Variants in OSBP observed in about 807,000 individuals in gnomAD.
OSBP encodes the protein oxysterol binding protein.
In OSBP, 32 loss-of-function variants were observed where a neutral mutation model predicts 96.6. That is an observed-to-expected ratio of 0.33 (90% CI 0.25 to 0.45). The LOEUF (loss-of-function observed/expected upper bound fraction) is 0.45, where lower values mean the gene tolerates loss of function less well. Ranked by LOEUF, OSBP falls within the 20% of genes least tolerant of loss-of-function variation. The pLI is 1.00. For missense variants in OSBP, 653 were observed against 1,029.7 expected (o/e 0.63, Z 5.01); for synonymous variants, 369 against 389.6 (o/e 0.95, Z 0.62).
At chr11:59,577,829 G>A (rs546289206) in intron 12 of OSBP, among the ~76,000 whole-genome samples, 18 of 152,290 alleles carry the variant, frequency 1.2e-4, no homozygotes, top group Admixed American at 9.8e-4. Context: ...ACAGGTGGTA[G>A]GCACCTTCCT....
At position 59,578,131 on chromosome 11, in the gene OSBP, A is replaced by G; in HGVS notation, c.2060+18T>C. The G allele has an allele frequency of 1.2e-6, 2 of 1,612,936 alleles. No individual in the cohort carries two copies. The highest frequency in any genetic ancestry group is 1.7e-6 in the Non-Finnish European group (2 of 1,178,952). On this transcript the variant is annotated intron_variant, in intron 12 of 13. Coordinates refer to ENST00000263847, the MANE Select transcript of OSBP (RefSeq NM_002556.3). ...AAGGTCAAAGTGGTATCTGGGCAGC[A>G]TGCATGCTGATACTCACGGTAAAGG...
At position 59,615,723 on chromosome 11, in the gene OSBP, C is replaced by T. The variant is rs751380880; in HGVS notation, c.-59G>A. 2,652 of 1,249,180 alleles carry T rather than the reference C, an allele frequency of 2.1e-3. 6 individuals carry two copies. Among genetic ancestry groups the T allele is most frequent in the Admixed American group, 2.4e-3 (56 of 23,432 alleles). 77.4% of individuals were successfully genotyped at this position (1,249,180 alleles called of 1,614,324 possible). A position where few individuals can be genotyped will look rare whatever the true frequency, so the allele number is the denominator to read the frequency against. ...CCGCCTACGAGAGCCGCCGTCGCCGCCCGGAGCGCCCCACACGGCTACCGC... is the reference window on the plus strand; with the variant it reads ...CCGCCTACGAGAGCCGCCGTCGCCGTCCGGAGCGCCCCACACGGCTACCGC... On this transcript the variant is annotated 5_prime_UTR_variant, in exon 1 of 14. Coordinates refer to ENST00000263847, the MANE Select transcript of OSBP (RefSeq NM_002556.3).
chr11:59,585,632 C>G (rs796933175), intron 9 of OSBP, among the ~76,000 whole-genome samples: 32 of 152,074 alleles, frequency 2.1e-4, no homozygotes, highest in Non-Finnish European at 3.5e-4. Flanking sequence ...AAGTGAGGAG[C>G]CCCTCTGCCA....
intron 3 of OSBP, among the ~76,000 whole-genome samples, chr11:59,606,508 A>G (rs920372029): frequency 6.6e-6 from 1 of 152,064 alleles, no homozygotes; most frequent in African/African-American, 2.4e-5. Flanking sequence ...CAAAGACAGA[A>G]ACAATAAACA....
Position 59,615,494 on chromosome 11 carries a change from G to T in OSBP, c.171C>A (p.Gly57=), listed in dbSNP as rs1860914342. 10 of 1,211,564 alleles carry T rather than the reference G, an allele frequency of 8.3e-6. No homozygotes were observed. Among genetic ancestry groups the T allele is most frequent in the Non-Finnish European group, 1.0e-5 (10 of 975,920 alleles). 75.1% of individuals were successfully genotyped at this position (1,211,564 alleles called of 1,614,324 possible). The change falls in exon 1 of 14, where the codon GGC becomes GGA. Residue 57 remains glycine, a synonymous_variant. Coordinates refer to ENST00000263847, the MANE Select transcript of OSBP (RefSeq NM_002556.3). ...SGTVVAAAAG[G]PGPGAGGVAA... is the part of the protein sequence containing the mutation. Reference sequence around the variant, plus strand: ...CCACTCCCCCGGCCCCCGGGCCCGGGCCTCCCGCCGCCGCCGCGACCACCG... The same window carrying T: ...CCACTCCCCCGGCCCCCGGGCCCGGTCCTCCCGCCGCCGCCGCGACCACCG...
intron 12 of OSBP, 112 bp downstream of exon 12, chr11:59,578,037 C>T (rs938190588): frequency 7.3e-6 from 7 of 960,814 alleles, no homozygotes; most frequent in Non-Finnish European, 1.1e-5. Flanking sequence ...TCTCAATTTC[C>T]CTTGCTCAAT....
rs532221661 is a variant in OSBP at position 59,590,698 on chromosome 11, A to G, written c.1678+2906T>C. ...CAGTGTATTAAACTGCCAGTCATCT[A>G]TCTGCTCACTTACTCACAACCCTGT... On this transcript the variant is annotated intron_variant, in intron 9 of 13. Coordinates refer to ENST00000263847, the MANE Select transcript of OSBP (RefSeq NM_002556.3). 5.3e-5 allele frequency among the ~76,000 whole-genome samples: 8 copies of G among 152,328 alleles called. No homozygotes were observed. The East Asian group carries it at 1.3e-3, about 26-fold the overall frequency.
Position 59,615,317 on chromosome 11 carries a change from G to A in OSBP, c.348C>T (p.Leu116=). The A allele has an allele frequency of 6.2e-7, 1 of 1,603,446 alleles. No individual in the cohort carries two copies. The highest frequency in any genetic ancestry group is 8.5e-7 in the Non-Finnish European group (1 of 1,173,420). Residue 116 remains leucine, a synonymous_variant, in exon 1 of 14, where the codon CTC becomes CTT. Coordinates refer to ENST00000263847, the MANE Select transcript of OSBP (RefSeq NM_002556.3). The stretch of plus-strand genomic sequence containing the variant: ...GAAGCAGTTACCTGTAGTAGCTCAG[G>A]AGCCCGTTGCTCAGCACGAACCATC... The part of the protein sequence containing the change: ...QRRWFVLSNG[L]LSYYRSKAEM...
At chr11:59,598,004 C>T (rs1260481261) in intron 7 of OSBP, among the ~76,000 whole-genome samples, 1 of 152,084 alleles carries the variant, frequency 6.6e-6, no homozygotes, top group African/African-American at 2.4e-5. Context: ...CTGTGCCCAG[C>T]CGAATTTTTT....
chr11:59,601,469 C>T, intron 4 of OSBP, 84 bp from the exon 5 acceptor site: 1 of 1,199,926 alleles, frequency 8.3e-7, no homozygotes, highest in East Asian at 2.3e-5. Flanking sequence ...ATACTAACCA[C>T]AAACACAGCA....
chr11:59,607,278 C>A (rs542385288), intron 3 of OSBP, among the ~76,000 whole-genome samples: 1 of 152,156 alleles, frequency 6.6e-6, no homozygotes, highest in African/African-American at 2.4e-5. Context: ...ACCAGGCACA[C>A]AGTCTCCAGG....
chr11:59,578,512 G>A (rs1175340198), intron 11 of OSBP, among the ~76,000 whole-genome samples, 182 bp from the exon 12 acceptor site: 2 of 152,152 alleles, frequency 1.3e-5, no homozygotes, highest in African/African-American at 4.8e-5. Flanking sequence ...GTACACTGAT[G>A]CAATCGTAGC....
chr11:59,577,135 A>G, intron 12 of OSBP, 110 bp from the exon 13 acceptor site: 1 of 839,724 alleles, frequency 1.2e-6, no homozygotes, highest in Non-Finnish European at 1.8e-6. Context: ...CTGTTCTACA[A>G]AAACAGGATC....
intron 1 of OSBP, 140 bp downstream of exon 1, chr11:59,615,162 TG>T: frequency 3.1e-6 from 2 of 636,742 alleles, no homozygotes; most frequent in Non-Finnish European, 2.7e-6. Flanking sequence ...CTCCGACCCC[TG>T]GGCTGTCAAT....
rs565959088 is a variant in OSBP at position 59,587,365 on chromosome 11, G to C, written c.1679-5811C>G. 3.9e-5 allele frequency among the ~76,000 whole-genome samples: 6 copies of C among 152,200 alleles called. No individual in the cohort carries two copies. In the South Asian group the frequency reaches 1.2e-3, roughly 32 times the overall value. On this transcript the variant is annotated intron_variant, in intron 9 of 13. Transcript: ENST00000263847. ...AAAATACAAAAAATTAGCCGGGTGT[G>C]TTGCAGGGGGCCTGTAATCCCAGCT...
In OSBP at chr11:59,583,176, G is replaced by C. The variant is rs368875786; in HGVS notation, c.1679-1622C>G. On this transcript the variant is annotated intron_variant, in intron 9 of 13. Transcript: ENST00000263847. ...AAATACAAAAAATTAGCTGGGTGTG[G>C]TGGTGTGCGCCTGTAATCCCAGCTA... Among the ~76,000 whole-genome samples, 23 of 152,190 alleles carry C rather than the reference G, an allele frequency of 1.5e-4. No individual in the cohort carries two copies. The Middle Eastern group carries it at 0.01, about 68-fold the overall frequency.
chr11:59,583,572 T>C (rs976454092), intron 9 of OSBP, among the ~76,000 whole-genome samples: 7 of 151,926 alleles, frequency 4.6e-5, no homozygotes, highest in African/African-American at 1.7e-4. Flanking sequence ...ATGCATTATT[T>C]CATTTAATAT....
chr11:59,576,622 C>A lies in OSBP; in HGVS notation c.2379G>T (p.Glu793Asp), dbSNP rs559425511. 1 of 1,614,100 alleles carries A rather than the reference C, an allele frequency of 6.2e-7. No individual in the cohort carries two copies. Among genetic ancestry groups the A allele is most frequent in the Non-Finnish European group, 8.5e-7 (1 of 1,180,012 alleles). Reference protein sequence around the residue: ...LTHIYRGEYWECKEKQDWSSC... With the variant: ...LTHIYRGEYWDCKEKQDWSSC... ...AGCTCCAGTCCTGTTTTTCTTTACA[C>A]TCCCAGTATTCTCCCCTATAAATAT... Residue 793 changes from glutamate (E) to aspartate (D), a missense_variant, in exon 14 of 14, where the codon GAG becomes GAT. Glu to Asp is a conservative substitution (Grantham distance 45, BLOSUM62 2). This residue lies in a region of OSBP where 169 missense variants were observed against 251.5 expected (regional missense o/e 0.67). Transcript: ENST00000263847.
At position 59,581,410 on chromosome 11, in the gene OSBP, T is replaced by G. The variant is rs1197439283; in HGVS notation, c.1782+41A>C. ...CTGCAGAAATATACCTAAAGAAGTA[T>G]TCTTTTAAACTTCACACACACTTTG... On this transcript the variant is annotated intron_variant, in intron 10 of 13. Coordinates refer to ENST00000263847, the MANE Select transcript of OSBP (RefSeq NM_002556.3). 7 of 1,145,346 alleles carry G rather than the reference T, an allele frequency of 6.1e-6. No individual in the cohort carries two copies. The East Asian group carries it at 1.4e-4, about 23-fold the overall frequency. The allele number at this position is 1,145,346 out of a possible 1,614,324, so 70.9% of individuals were successfully genotyped here.
Sources: allele counts gnomAD v4.1 joint callset (sites outside exome capture counted in the v4.1 genomes callset), GRCh38; gene constraint gnomAD v4.1.1; regional missense constraint gnomAD v4.1.1; transcripts MANE v1.5; gene names NCBI Gene and HGNC (gene_info 2026-07-23, HGNC 2026-07-21).